Variants in CARMIL2 observed in about 807,000 individuals in gnomAD.
The protein encoded by CARMIL2 is capping protein, Arp2/3 and myosin-I linker protein 2.
Under a neutral mutation model 173.3 loss-of-function variants are expected in CARMIL2, and 96 were observed. That is an observed-to-expected ratio of 0.55 (90% confidence interval 0.47 to 0.66). The LOEUF (loss-of-function observed/expected upper bound fraction) is 0.66. Ranked by LOEUF, CARMIL2 falls within the 30% of genes least tolerant of loss-of-function variation. The pLI, the probability that CARMIL2 is intolerant of heterozygous loss-of-function variation, is 0.00. For synonymous variants in CARMIL2, 830 were observed against 817.1 expected (o/e 1.02, Z -0.27); for missense variants, 1,771 against 1,906.7 (o/e 0.93, Z 1.33).
At position 67,648,750 on chromosome 16, in the gene CARMIL2, G is replaced by T. The variant is rs1289189904; in HGVS notation, c.1505G>T (p.Cys502Phe). ...LRDLHLDLSACELRSAGAQVI... is the reference protein window; with the variant it reads ...LRDLHLDLSAFELRSAGAQVI... ...GACCTGCACCTGGACCTCAGCGCTT[G>T]CGAGGTGAGCGCCGGCCCCCAGAAG... Residue 502 changes from cysteine to phenylalanine, a missense_variant, in exon 16 of 38, where the codon TGC becomes TTC. Transcript: ENST00000334583. This position sits in a 1 kb window ranked among gnomAD's most constrained non-coding sequence, Gnocchi z 6.1. The T allele has an allele frequency of 1.2e-6, 2 of 1,601,760 alleles. No individual in the cohort carries two copies. Among genetic ancestry groups the T allele is most frequent in the Non-Finnish European group, 1.7e-6 (2 of 1,174,692 alleles).
rs948445658 is a variant in CARMIL2, at chr16:67,651,099, C to G, written c.2185-88C>G. 1 of 1,492,356 alleles carries G rather than the reference C, an allele frequency of 6.7e-7. No individual in the cohort carries two copies. Among genetic ancestry groups the G allele is most frequent in the African/African-American group, 1.4e-5 (1 of 71,902 alleles). 92.4% of individuals were successfully genotyped at this position (1,492,356 alleles called of 1,614,324 possible). On this transcript the variant is annotated intron_variant, in intron 22 of 37. Transcript: ENST00000334583. The surrounding 1 kb of genome is among the most constrained non-coding windows in gnomAD (Gnocchi z 4.2). ...CTAAGGGTGTCAGCTTCAGGACCTC[C>G]CTCTGTTAAAGAGCCTGGGAGGAAG...
rs1245286753 is a variant in CARMIL2 at position 67,649,409 on chromosome 16, C to T, written c.1747-38C>T. 1.1e-5 allele frequency: 17 copies of T among 1,611,190 alleles called. No homozygotes were observed. Among genetic ancestry groups the T allele is most frequent in the Non-Finnish European group, 1.4e-5 (16 of 1,179,712 alleles). Reference sequence around the variant, plus strand: ...ACCCTGTGACCTGCCCTCACTGACCCCTGACTCCAGCCATCAATGGCTTTC... The same window carrying T: ...ACCCTGTGACCTGCCCTCACTGACCTCTGACTCCAGCCATCAATGGCTTTC... On this transcript the variant is annotated intron_variant, in intron 19 of 37. Transcript: ENST00000334583. The surrounding 1 kb of genome is among the most constrained non-coding windows in gnomAD (Gnocchi z 6.7).
Position 67,649,859 on chromosome 16 carries a change from C to T in CARMIL2, c.1973C>T (p.Ala658Val), listed in dbSNP as rs1200144327. The change falls in exon 21 of 38, where the codon GCG (alanine) becomes GTG (valine). Residue 658 changes from alanine to valine, a missense_variant. Physicochemically the swap from Ala to Val is moderately conservative, Grantham distance 64. Coordinates refer to ENST00000334583, the MANE Select transcript of CARMIL2 (RefSeq NM_001013838.3). This position sits in a 1 kb window ranked among gnomAD's most constrained non-coding sequence, Gnocchi z 6.7. ...HTSALGLLDVAQALEQNHSLK... is the reference protein window; with the variant it reads ...HTSALGLLDVVQALEQNHSLK... ...TCTGCTTTGGGTCTGCTGGACGTGGCGCAGGCGCTGGAGCAGAACCACAGC... is the reference window on the plus strand; with the variant it reads ...TCTGCTTTGGGTCTGCTGGACGTGGTGCAGGCGCTGGAGCAGAACCACAGC... The T allele has an allele frequency of 1.9e-6, 3 of 1,612,868 alleles. No individual in the cohort carries two copies. Among genetic ancestry groups the T allele is most frequent in the Non-Finnish European group, 2.5e-6 (3 of 1,179,790 alleles).
At position 67,657,364 on chromosome 16, in the gene CARMIL2, C is replaced by T. The variant is rs1255686831; in HGVS notation, c.4196-42C>T. 6.2e-7 allele frequency: 1 copy of T among 1,607,676 alleles called. No homozygotes were observed. The highest frequency in any genetic ancestry group is 1.1e-5 in the South Asian group (1 of 90,360). On this transcript the variant is annotated intron_variant, in intron 37 of 37. Coordinates refer to ENST00000334583, the MANE Select transcript of CARMIL2 (RefSeq NM_001013838.3). This position sits in a 1 kb window ranked among gnomAD's most constrained non-coding sequence, Gnocchi z 4.5. Reference sequence around the variant, plus strand: ...TGGGAGGGTGGCAGGACTGCTTAGCCCAGCCCTGACCCTTCCTCTCTCTCC... The same window carrying T: ...TGGGAGGGTGGCAGGACTGCTTAGCTCAGCCCTGACCCTTCCTCTCTCTCC...
chr16:67,648,764 G>A lies in CARMIL2; in HGVS notation c.1509+10G>A, dbSNP rs367691282. On this transcript the variant is annotated intron_variant, in intron 16 of 37. Coordinates refer to ENST00000334583, the MANE Select transcript of CARMIL2 (RefSeq NM_001013838.3). This position sits in a 1 kb window ranked among gnomAD's most constrained non-coding sequence, Gnocchi z 6.1. ...CCTCAGCGCTTGCGAGGTGAGCGCC[G>A]GCCCCCAGAAGAGACCACACATTGG... is the stretch of plus-strand genomic sequence containing the variant. 6.0e-5 allele frequency: 95 copies of A among 1,596,484 alleles called. No homozygotes were observed. The highest frequency in any genetic ancestry group is 7.9e-5 in the Non-Finnish European group (93 of 1,172,268).
chr16:67,654,214 ATTC>A lies in CARMIL2; in HGVS notation c.3191_3193del (p.Phe1064del), dbSNP rs1567635174. On this transcript the variant is annotated inframe_deletion, in exon 30 of 38. Transcript: ENST00000334583. ...CCCGCGTGGACGAGGGCGTGGAGGAATTCTTCTCCAAAAGGCTGATCCAGCAGG... is the reference window on the plus strand; with the variant it reads ...CCCGCGTGGACGAGGGCGTGGAGGAATTCTCCAAAAGGCTGATCCAGCAGG... 2 of 1,567,370 alleles carry A rather than the reference ATTC, an allele frequency of 1.3e-6. No homozygotes were observed. The highest frequency in any genetic ancestry group is 1.2e-5 in the South Asian group (1 of 85,170).
At position 67,653,433 on chromosome 16, in the gene CARMIL2, T is replaced by A. The variant is rs1401382318; in HGVS notation, c.3120+179T>A. ...ACCACCCCCCACCCCAGGCCATGCC[T>A]GTGCGGGACCATGGGTGTGCGGGTT... On this transcript the variant is annotated intron_variant, in intron 29 of 37. Coordinates refer to ENST00000334583, the MANE Select transcript of CARMIL2 (RefSeq NM_001013838.3). This position sits in a 1 kb window ranked among gnomAD's most constrained non-coding sequence, Gnocchi z 7.4. Among the ~76,000 whole-genome samples the A allele has an allele frequency of 6.6e-6, 1 of 151,916 alleles. No individual in the cohort carries two copies. Among genetic ancestry groups the A allele is most frequent in the Non-Finnish European group, 1.5e-5 (1 of 67,960 alleles).
chr16:67,655,298 G>A (rs979293782), intron 32 of CARMIL2, among the ~76,000 whole-genome samples: 2 of 152,164 alleles, frequency 1.3e-5, no homozygotes, highest in African/African-American at 2.4e-5. Flanking sequence ...CGGGTGTGGC[G>A]GTGGGCACTT....
rs562785880 is a variant in CARMIL2 at position 67,653,612 on chromosome 16, G to A, written c.3120+358G>A. ...AGCCGAGCCGCGGGGCCAAGCCTGC[G>A]TCTGCTGCGCGTCCGGCGGCGGCGC... On this transcript the variant is annotated intron_variant, in intron 29 of 37. Coordinates refer to ENST00000334583, the MANE Select transcript of CARMIL2 (RefSeq NM_001013838.3). This position sits in a 1 kb window ranked among gnomAD's most constrained non-coding sequence, Gnocchi z 7.4. Among the ~76,000 whole-genome samples the A allele has an allele frequency of 6.6e-6, 1 of 152,280 alleles. No homozygotes were observed. The highest frequency in any genetic ancestry group is 2.1e-4 in the South Asian group (1 of 4,834).
In CARMIL2 at chr16:67,647,872, G is replaced by A; in HGVS notation, c.985G>A (p.Ala329Thr). 1.9e-6 allele frequency: 3 copies of A among 1,610,722 alleles called. No homozygotes were observed. The highest frequency in any genetic ancestry group is 1.7e-4 in the Middle Eastern group (1 of 6,024). Residue 329 changes from alanine to threonine, a missense_variant, in exon 13 of 38, where the codon GCC (alanine) becomes ACC (threonine). By Grantham distance (58) the Ala-to-Thr change is moderately conservative. Transcript: ENST00000334583. ...RGMRALGRAL[A>T]TNAAFDSTLT... Reference sequence around the variant, plus strand: ...AATGAGGGCTCTGGGCCGGGCACTGGCCACCAATGCCGCCTTCGACTCCAC... The same window carrying A: ...AATGAGGGCTCTGGGCCGGGCACTGACCACCAATGCCGCCTTCGACTCCAC...
chr16:67,652,446 G>C lies in CARMIL2; in HGVS notation c.2818-26G>C. 6.2e-7 allele frequency: 1 copy of C among 1,613,008 alleles called. No homozygotes were observed. Among genetic ancestry groups the C allele is most frequent in the Non-Finnish European group, 8.5e-7 (1 of 1,179,522 alleles). ...TTTGGGTTGGTGCTCTCCTACCCCA[G>C]GCTGAGTTTGTGCCCTCCCCACCAG... On this transcript the variant is annotated intron_variant, in intron 27 of 37. Coordinates refer to ENST00000334583, the MANE Select transcript of CARMIL2 (RefSeq NM_001013838.3). The surrounding 1 kb of genome is among the most constrained non-coding windows in gnomAD (Gnocchi z 4.7).
chr16:67,650,434 CTG>C, intron 22 of CARMIL2: 1 of 517,926 alleles, frequency 1.9e-6, no homozygotes. Context: ...AGCCCCATCT[CTG>C]TCCTCACATA....
chr16:67,651,446 T>G lies in CARMIL2; in HGVS notation c.2359T>G (p.Trp787Gly). ...AGCTGGAAGCTCCCCAAGCCATCAC[T>G]GGCAGCTTGGGCAGAAGCTGGAGGG... The part of the protein sequence containing the change: ...YEAGSSPSHH[W>G]QLGQKLEGLL... The change falls in exon 24 of 38, where the codon TGG becomes GGG. Residue 787 changes from tryptophan to glycine, a missense_variant. This residue lies in a region of CARMIL2 where 817 missense variants were observed against 903.5 expected (regional missense o/e 0.90). Coordinates refer to ENST00000334583, the MANE Select transcript of CARMIL2 (RefSeq NM_001013838.3). The surrounding 1 kb of genome is among the most constrained non-coding windows in gnomAD (Gnocchi z 4.2). The G allele has an allele frequency of 6.3e-7, 1 of 1,597,682 alleles. No individual in the cohort carries two copies. Among genetic ancestry groups the G allele is most frequent in the Non-Finnish European group, 8.5e-7 (1 of 1,170,734 alleles).
Position 67,646,899 on chromosome 16 carries a change from G to C in CARMIL2, c.538-1G>C. 6.2e-7 allele frequency: 1 copy of C among 1,613,812 alleles called. No homozygotes were observed. Among genetic ancestry groups the C allele is most frequent in the Non-Finnish European group, 8.5e-7 (1 of 1,179,892 alleles). ...ACTGTAAGCATCTCCTTCTCACCCA[G>C]GACGTGGACACCATTTACCATCGCC... On this transcript the variant is annotated splice_acceptor_variant, in intron 7 of 37. Coordinates refer to ENST00000334583, the MANE Select transcript of CARMIL2 (RefSeq NM_001013838.3). LOFTEE classifies it high-confidence loss of function. The surrounding 1 kb of genome is among the most constrained non-coding windows in gnomAD (Gnocchi z 4.6).
Position 67,649,481 on chromosome 16 carries a change from T to A in CARMIL2, c.1781T>A (p.Leu594Gln). ...LQSLSVAESR[L>Q]KLGASVLLRA... ...TCTCTGTCGGTGGCTGAGTCTCGGC[T>A]GAAGCTGGGTGCCAGCGTCCTACTC... is the stretch of plus-strand genomic sequence containing the variant. The change falls in exon 20 of 38, where the codon CTG becomes CAG. Residue 594 changes from leucine (L) to glutamine (Q), a missense_variant. Coordinates refer to ENST00000334583, the MANE Select transcript of CARMIL2 (RefSeq NM_001013838.3). This position sits in a 1 kb window ranked among gnomAD's most constrained non-coding sequence, Gnocchi z 6.7. 6.2e-7 allele frequency: 1 copy of A among 1,611,062 alleles called. No individual in the cohort carries two copies. Among genetic ancestry groups the A allele is most frequent in the Non-Finnish European group, 8.5e-7 (1 of 1,179,876 alleles).
Position 67,652,961 on chromosome 16 carries a change from C to G in CARMIL2, c.2885-58C>G. On this transcript the variant is annotated intron_variant, in intron 28 of 37. Transcript: ENST00000334583. The surrounding 1 kb of genome is among the most constrained non-coding windows in gnomAD (Gnocchi z 4.7). ...GGCGGGTCCCCCGCCGCCCTAGCGC[C>G]TCCGCCGCCACCTCCCCGGGCTCGG... 1 of 962,570 alleles carries G rather than the reference C, an allele frequency of 1.0e-6. No homozygotes were observed. Among genetic ancestry groups the G allele is most frequent in the Non-Finnish European group, 1.4e-6 (1 of 732,358 alleles). 59.6% of individuals were successfully genotyped at this position (962,570 alleles called of 1,614,324 possible). A position where few individuals can be genotyped will look rare whatever the true frequency, so the allele number is the denominator to read the frequency against.
At chr16:67,655,015 C>G (rs975032492) in intron 32 of CARMIL2, 115 bp downstream of exon 32, 3 of 1,358,892 alleles carry the variant, frequency 2.2e-6, no homozygotes, top group Non-Finnish European at 3.0e-6. Context: ...CAGTTCTACT[C>G]CATTCTCCTC....
intron 3 of CARMIL2, 92 bp from the exon 4 acceptor site, chr16:67,645,926 A>G: frequency 1.3e-6 from 2 of 1,575,612 alleles, no homozygotes; most frequent in Non-Finnish European, 1.7e-6. Context: ...GAGTCCAGGC[A>G]GATCTGGCTC....
At position 67,656,078 on chromosome 16, in the gene CARMIL2, C is replaced by T. The variant is rs1012750833; in HGVS notation, c.3742+11C>T. 9 of 1,606,342 alleles carry T rather than the reference C, an allele frequency of 5.6e-6. No homozygotes were observed. The East Asian group carries it at 6.7e-5, about 12-fold the overall frequency. ...AAGCTGGCTCAGATGGTAAGTGGGA[C>T]CCTGGGGTGTGGCAGTACATTTGCC... is the stretch of plus-strand genomic sequence containing the variant. On this transcript the variant is annotated intron_variant, in intron 33 of 37. Transcript: ENST00000334583.
Sources: gnomAD v4.1 joint callset for allele counts (sites outside exome capture counted in the v4.1 genomes callset) on GRCh38, gnomAD v4.1.1 for gene constraint, gnomAD v4.1.1 regional missense constraint, Gnocchi (gnomAD v3.1) non-coding constraint, MANE v1.5 for transcripts, NCBI Gene and HGNC (gene_info 2026-07-23, HGNC 2026-07-21) for gene names.